ZNF609: variants seen among roughly 807,000 people sequenced by gnomAD.
ZNF609 encodes zinc finger protein 609.
In ZNF609, 11 loss-of-function variants were observed where a neutral mutation model predicts 109.5. The observed-to-expected ratio is 0.10, with a 90% CI of 0.06 to 0.17. ZNF609 has a LOEUF of 0.17. Among genes scored for constraint, ZNF609 ranks in the 10% least tolerant of loss-of-function variants. ZNF609 has a pLI of 1.00. For missense variants in ZNF609, 1,559 were observed against 1,772.4 expected (o/e 0.88, Z 2.16); for synonymous variants, 646 against 662.0 (o/e 0.98, Z 0.37).
chr15:64,648,745 C>CAAAAAAAAAAAA (rs1162012248), intron 3 of ZNF609, among the ~76,000 whole-genome samples: 1 of 72,428 alleles, frequency 1.4e-5, no homozygotes. Context: ...CACCACATAC[C>CAAAAAAAAAAAA]AAAAAAAAAA....
At chr15:64,519,123 G>C (rs1893856254) in intron 2 of ZNF609, among the ~76,000 whole-genome samples, 1 of 139,814 alleles carries the variant, frequency 7.2e-6, no homozygotes, top group Non-Finnish European at 1.6e-5. Context: ...GCAGGGCGGG[G>C]GGCGGGGGGC....
chr15:64,626,345 C>A (rs2140976583), intron 3 of ZNF609, among the ~76,000 whole-genome samples: 1 of 152,296 alleles, frequency 6.6e-6, no homozygotes, highest in South Asian at 2.1e-4. Flanking sequence ...AGATTTCCTG[C>A]AAAGATCATT....
chr15:64,557,878 A>C (rs1001728027), intron 2 of ZNF609, among the ~76,000 whole-genome samples: 2 of 151,954 alleles, frequency 1.3e-5, no homozygotes, highest in African/African-American at 2.4e-5. Flanking sequence ...TTGTATTTTC[A>C]GTAGAGACGG....
At chr15:64,518,749 T>C (rs1206555871) in intron 2 of ZNF609, among the ~76,000 whole-genome samples, 1 of 152,088 alleles carries the variant, frequency 6.6e-6, no homozygotes, top group Non-Finnish European at 1.5e-5. Flanking sequence ...TGGTAATTGA[T>C]ACCATGTTGG....
At chr15:64,647,429 ACAAAGT>A (rs1896351743) in intron 3 of ZNF609, among the ~76,000 whole-genome samples, 1 of 152,188 alleles carries the variant, frequency 6.6e-6, no homozygotes, top group Non-Finnish European at 1.5e-5. Flanking sequence ...CATTTAGGAG[ACAAAGT>A]CAAAATTCAC....
intron 2 of ZNF609, among the ~76,000 whole-genome samples, chr15:64,616,848 G>A (rs1439245657): frequency 9.8e-6 from 1 of 101,986 alleles, no homozygotes; most frequent in Admixed American, 1.6e-4. Flanking sequence ...GCACTCTGTC[G>A]CCCAGGATGG....
At chr15:64,637,906 ATTG>A (rs1896197925) in intron 3 of ZNF609, among the ~76,000 whole-genome samples, 1 of 146,946 alleles carries the variant, frequency 6.8e-6, no homozygotes, top group Non-Finnish European at 1.5e-5. Context: ...TTTTTCTTTT[ATTG>A]TTAGTGCTTT....
At chr15:64,463,085 C>G (rs1164639674) in intron 1 of ZNF609, among the ~76,000 whole-genome samples, 1 of 152,074 alleles carries the variant, frequency 6.6e-6, no homozygotes, top group Non-Finnish European at 1.5e-5. Context: ...GAGAACTCAT[C>G]TCTACAAAAA....
At chr15:64,597,250 C>T (rs1895412408) in intron 2 of ZNF609, among the ~76,000 whole-genome samples, 1 of 152,124 alleles carries the variant, frequency 6.6e-6, no homozygotes. Flanking sequence ...AGCTTGAGTG[C>T]TTAGCTGGCA....
At chr15:64,511,164 A>G (rs912399662) in intron 2 of ZNF609, among the ~76,000 whole-genome samples, 10 of 151,934 alleles carry the variant, frequency 6.6e-5, no homozygotes, top group Non-Finnish European at 1.5e-5. Context: ...GAAAGACAAC[A>G]GAGTGTTGTA....
chr15:64,553,299 T>A (rs895935978), intron 2 of ZNF609, among the ~76,000 whole-genome samples: 3 of 151,564 alleles, frequency 2.0e-5, no homozygotes, highest in Admixed American at 6.6e-5. Context: ...ACTGGGACTT[T>A]AATTGGAATT....
intron 2 of ZNF609, among the ~76,000 whole-genome samples, chr15:64,528,439 A>G (rs1173081232): frequency 6.7e-6 from 1 of 149,228 alleles, no homozygotes; most frequent in Non-Finnish European, 1.5e-5. Flanking sequence ...TTATTGTTTA[A>G]TTTCTTGTTT....
intron 2 of ZNF609, among the ~76,000 whole-genome samples, chr15:64,564,903 A>G (rs1894750728): frequency 6.7e-6 from 1 of 150,154 alleles, no homozygotes; most frequent in Non-Finnish European, 1.5e-5. Context: ...GCTGGAGTGC[A>G]GTGGTGCGAT....
At chr15:64,509,882 G>A (rs1893693164) in intron 2 of ZNF609, among the ~76,000 whole-genome samples, 1 of 152,184 alleles carries the variant, frequency 6.6e-6, no homozygotes, top group Admixed American at 6.5e-5. Flanking sequence ...GAAGGGATTA[G>A]CAGAGGTAGC....
intron 1 of ZNF609, among the ~76,000 whole-genome samples, chr15:64,479,831 A>G (rs1414703390): frequency 1.3e-5 from 2 of 151,988 alleles, no homozygotes; most frequent in Non-Finnish European, 2.9e-5. Flanking sequence ...AGGCAGGAGA[A>G]TGGCTTGAAC....
chr15:64,662,438 A>C (rs1201177154), intron 3 of ZNF609, among the ~76,000 whole-genome samples: 1 of 151,970 alleles, frequency 6.6e-6, no homozygotes, highest in Non-Finnish European at 1.5e-5. Context: ...TGATCCCCCC[A>C]TGTCAGCCTC....
intron 2 of ZNF609, among the ~76,000 whole-genome samples, chr15:64,534,020 T>C (rs1894099926): frequency 6.6e-6 from 1 of 152,066 alleles, no homozygotes; most frequent in East Asian, 1.9e-4. Flanking sequence ...AACCTTTTTT[T>C]TTTTTTTTGA....
intron 1 of ZNF609, among the ~76,000 whole-genome samples, chr15:64,485,627 AC>A (rs1893321414): frequency 6.6e-6 from 1 of 151,928 alleles, no homozygotes; most frequent in African/African-American, 2.4e-5. Flanking sequence ...ACATAGTGAG[AC>A]CCTGTCTACA....
At chr15:64,559,880 C>T (rs1304777080) in intron 2 of ZNF609, among the ~76,000 whole-genome samples, 1 of 152,014 alleles carries the variant, frequency 6.6e-6, no homozygotes, top group Non-Finnish European at 1.5e-5. Flanking sequence ...ATAATAGTAT[C>T]CGTAGCAATA....
Sources: gnomAD v4.1 joint callset for allele counts (sites outside exome capture counted in the v4.1 genomes callset) on GRCh38, gnomAD v4.1.1 for gene constraint, MANE v1.5 for transcripts, NCBI Gene and HGNC (gene_info 2026-07-23, HGNC 2026-07-21) for gene names.